SDCCAG8: variants seen among roughly 807,000 people sequenced by gnomAD.
SDCCAG8 encodes SHH signaling and ciliogenesis regulator SDCCAG8.
In SDCCAG8, 74 loss-of-function variants were observed where a neutral mutation model predicts 101.8. That is an observed-to-expected ratio of 0.73 (90% CI 0.60 to 0.88). The LOEUF (loss-of-function observed/expected upper bound fraction) is 0.88, where lower values mean the gene tolerates loss of function less well. SDCCAG8 is among the 40% of genes least tolerant of loss of function. The probability of loss-of-function intolerance (pLI) is 0.00; values close to 1 mark genes in which losing one functional copy is unlikely to be tolerated. For missense variants in SDCCAG8, 787 were observed against 822.6 expected, an observed-to-expected ratio of 0.96 and a Z score of 0.53; for synonymous variants, 281 against 292.9, an observed-to-expected ratio of 0.96 and a Z score of 0.41.
At chr1:243,368,837 C>T (rs1223977686) in intron 12 of SDCCAG8, among the ~76,000 whole-genome samples, 1 of 152,082 alleles carries the variant, frequency 6.6e-6, no homozygotes, top group Admixed American at 6.6e-5. Flanking sequence ...CAATGAATTT[C>T]TCCTAGTAAG....
intron 13 of SDCCAG8, among the ~76,000 whole-genome samples, chr1:243,383,995 G>A (rs1159524938): frequency 3.3e-5 from 5 of 151,876 alleles, no homozygotes; most frequent in Non-Finnish European, 1.5e-5. Context: ...TTTCTACCTA[G>A]GCCTCCCCAT....
chr1:243,416,906 T>C lies in SDCCAG8; in HGVS notation c.1745-1062T>C, dbSNP rs2080624869. The stretch of plus-strand genomic sequence containing the variant: ...TATGCTATATGCTTTTTGCCAATCA[T>C]TGGCTAAAATTGAAAAGAAATAAAG... On this transcript the variant is annotated intron_variant, in intron 14 of 17. Transcript: ENST00000366541. This position sits in a 1 kb window ranked among gnomAD's most constrained non-coding sequence, Gnocchi z 4.3. Among the ~76,000 whole-genome samples, 1 of 152,202 alleles carries C rather than the reference T, an allele frequency of 6.6e-6. No homozygotes were observed. The highest frequency in any genetic ancestry group is 1.5e-5 in the Non-Finnish European group (1 of 68,026).
At chr1:243,277,928 T>C (rs994707496) in intron 4 of SDCCAG8, among the ~76,000 whole-genome samples, 5 of 152,212 alleles carry the variant, frequency 3.3e-5, no homozygotes, top group Non-Finnish European at 4.4e-5. Context: ...TGAAGTTGGG[T>C]AATATCAGTA....
intron 16 of SDCCAG8, among the ~76,000 whole-genome samples, chr1:243,456,051 A>G (rs2083723713): frequency 6.6e-6 from 1 of 152,020 alleles, no homozygotes; most frequent in Non-Finnish European, 1.5e-5. Flanking sequence ...AGGCTGTGGG[A>G]GCTCAGAGCA....
At chr1:243,260,976 C>T (rs183328577) in intron 1 of SDCCAG8, among the ~76,000 whole-genome samples, 9 of 152,194 alleles carry the variant, frequency 5.9e-5, no homozygotes, top group African/African-American at 9.6e-5. Flanking sequence ...CTTGGATTCC[C>T]GTTTCCTCAA....
At chr1:243,268,693 T>C (rs1235268713) in intron 1 of SDCCAG8, among the ~76,000 whole-genome samples, 3 of 152,246 alleles carry the variant, frequency 2.0e-5, no homozygotes, top group Admixed American at 2.0e-4. Flanking sequence ...TTTTTTTTTC[T>C]ATTAAGTACT....
At chr1:243,386,440 G>C (rs369544517) in intron 13 of SDCCAG8, among the ~76,000 whole-genome samples, 1 of 152,078 alleles carries the variant, frequency 6.6e-6, no homozygotes. Flanking sequence ...GGTGGCTCAC[G>C]CCTGTAATCC....
chr1:243,288,238 C>G (rs1157028639), intron 5 of SDCCAG8, among the ~76,000 whole-genome samples: 2 of 152,032 alleles, frequency 1.3e-5, no homozygotes, highest in Non-Finnish European at 2.9e-5. Context: ...GATGATCACA[C>G]GAACGGATGG....
intron 7 of SDCCAG8, among the ~76,000 whole-genome samples, chr1:243,307,068 T>G (rs899491086): frequency 5.3e-5 from 8 of 151,580 alleles, no homozygotes; most frequent in African/African-American, 7.3e-5. Context: ...TTTGTTTTTT[T>G]TTTTTTTGAA....
chr1:243,486,446 G>C (rs1423855747), intron 16 of SDCCAG8, among the ~76,000 whole-genome samples: 1 of 152,086 alleles, frequency 6.6e-6, no homozygotes, highest in East Asian at 1.9e-4. Context: ...GATTCAGCGG[G>C]GTCTGGGTGG....
chr1:243,328,403 C>G (rs1246089859), intron 9 of SDCCAG8, among the ~76,000 whole-genome samples: 1 of 152,012 alleles, frequency 6.6e-6, no homozygotes, highest in East Asian at 1.9e-4. Context: ...CTCAGCCTCC[C>G]TAGTAGCTGG....
Position 243,447,515 on chromosome 1 carries a change from C to T in SDCCAG8, c.1985+20957C>T, listed in dbSNP as rs562504644. ...ATTATAGTGTGTGTGTGCCTGCGCACGCACACACACACTATCTTACATAAC... is the reference window on the plus strand; with the variant it reads ...ATTATAGTGTGTGTGTGCCTGCGCATGCACACACACACTATCTTACATAAC... On this transcript the variant is annotated intron_variant, in intron 16 of 17. Transcript: ENST00000366541. Among the ~76,000 whole-genome samples the T allele has an allele frequency of 5.9e-5, 9 of 152,058 alleles. No homozygotes were observed. In the East Asian group the frequency reaches 7.8e-4, roughly 13 times the overall value.
intron 13 of SDCCAG8, among the ~76,000 whole-genome samples, chr1:243,398,099 C>T (rs1014975211): frequency 2.0e-5 from 3 of 152,090 alleles, no homozygotes; most frequent in East Asian, 1.9e-4. Context: ...TTAAAGATCT[C>T]GTAAATAATC....
At chr1:243,302,416 G>T (rs1404351700) in intron 6 of SDCCAG8, among the ~76,000 whole-genome samples, 1 of 152,180 alleles carries the variant, frequency 6.6e-6, no homozygotes, top group African/African-American at 2.4e-5. Flanking sequence ...TGCCGGAAGG[G>T]ATAGGCTAAC....
rs570533779 is a variant in SDCCAG8 at position 243,416,421 on chromosome 1, C to G, written c.1744+592C>G. On this transcript the variant is annotated intron_variant, in intron 14 of 17. Coordinates refer to ENST00000366541, the MANE Select transcript of SDCCAG8 (RefSeq NM_006642.5). The surrounding 1 kb of genome is among the most constrained non-coding windows in gnomAD (Gnocchi z 4.3). ...TTCCTTTATTTAATCTTTGCAGCTT[C>G]GAACATTTTTAGCATTTGTATGATT... 6.6e-6 allele frequency among the ~76,000 whole-genome samples: 1 copy of G among 152,146 alleles called. No homozygotes were observed. Among genetic ancestry groups the G allele is most frequent in the Non-Finnish European group, 1.5e-5 (1 of 68,016 alleles).
chr1:243,286,325 A>G lies in SDCCAG8; in HGVS notation c.474A>G (p.Glu158=). The change falls in exon 5 of 18, where the codon GAA becomes GAG. Residue 158 remains glutamate (E), a synonymous_variant. Transcript: ENST00000366541. ...NKIQVVVLEN[E]GLQQQLKSQR... is the part of the protein sequence containing the mutation. Reference sequence around the variant, plus strand: ...TACAAGTAGTTGTGCTTGAAAACGAAGGGCTCCAGCAACAGCTAAAATCTC... The same window carrying G: ...TACAAGTAGTTGTGCTTGAAAACGAGGGGCTCCAGCAACAGCTAAAATCTC... 1.2e-6 allele frequency: 2 copies of G among 1,614,008 alleles called. No homozygotes were observed. Among genetic ancestry groups the G allele is most frequent in the East Asian group, 4.5e-5 (2 of 44,880 alleles).
At chr1:243,354,469 G>C (rs2076276042) in intron 12 of SDCCAG8, among the ~76,000 whole-genome samples, 1 of 152,208 alleles carries the variant, frequency 6.6e-6, no homozygotes, top group South Asian at 2.1e-4. Flanking sequence ...TTACAAGACA[G>C]ACATCATCTA....
intron 16 of SDCCAG8, among the ~76,000 whole-genome samples, chr1:243,452,212 C>G (rs1382539650): frequency 6.6e-6 from 1 of 152,150 alleles, no homozygotes; most frequent in East Asian, 1.9e-4. Flanking sequence ...ACTGCACTTT[C>G]TGGCCATTTC....
At chr1:243,280,283 C>T (rs2068918081) in intron 4 of SDCCAG8, among the ~76,000 whole-genome samples, 1 of 152,068 alleles carries the variant, frequency 6.6e-6, no homozygotes, top group South Asian at 2.1e-4. Flanking sequence ...GCCCCATTTT[C>T]ACTTCTGATC....
Sources: gnomAD v4.1 joint callset for allele counts (sites outside exome capture counted in the v4.1 genomes callset) on GRCh38, gnomAD v4.1.1 for gene constraint, Gnocchi (gnomAD v3.1) non-coding constraint, MANE v1.5 for transcripts, NCBI Gene and HGNC (gene_info 2026-07-23, HGNC 2026-07-21) for gene names.